The following GK5 variants were observed in gnomAD, a reference collection of about 807,000 sequenced individuals.
GK5 encodes the protein glycerol kinase 5.
Under a neutral mutation model 77.3 loss-of-function variants are expected in GK5, and 39 were observed. The observed-to-expected ratio is 0.50, with a 90% CI of 0.39 to 0.66. The LOEUF is 0.66. GK5 is among the 30% of genes least tolerant of loss of function. The pLI is 0.00. For missense variants in GK5, 487 were observed against 633.8 expected, an observed-to-expected ratio of 0.77 and a Z score of 2.49; for synonymous variants, 211 against 208.0, an observed-to-expected ratio of 1.01 and a Z score of -0.13.
chr3:142,166,616 C>A (rs562768148), intron 15 of GK5, among the ~76,000 whole-genome samples: 1 of 151,872 alleles, frequency 6.6e-6, no homozygotes, highest in East Asian at 1.9e-4. Flanking sequence ...TCACTGCAAC[C>A]TCCACCTCCC....
At position 142,225,350 on chromosome 3, in the gene GK5, A is replaced by T; in HGVS notation, c.106T>A (p.Tyr36Asn). 1 of 1,572,286 alleles carries T rather than the reference A, an allele frequency of 6.4e-7. No individual in the cohort carries two copies. Among genetic ancestry groups the T allele is most frequent in the Non-Finnish European group, 8.6e-7 (1 of 1,160,176 alleles). ...CCGCAGACCCGCGCCGCCCGGTCAT[A>T]GACGTGGCAGCGGATCACAGAACTG... is the stretch of plus-strand genomic sequence containing the variant. The part of the protein sequence containing the change: ...VGSSVIRCHV[Y>N]DRAARVCGSS... Residue 36 changes from tyrosine to asparagine, a missense_variant, in exon 1 of 16, where the codon TAT becomes AAT. Tyr to Asn is a moderately radical substitution (Grantham distance 143). Around this residue, in one of 4 missense-constraint regions of GK5, gnomAD observed 97 missense variants for 86.9 expected, o/e 1.12. Coordinates refer to ENST00000392993, the MANE Select transcript of GK5 (RefSeq NM_001039547.3).
At chr3:142,213,724 A>G in intron 2 of GK5, 123 bp from the exon 3 acceptor site, 3 of 610,712 alleles carry the variant, frequency 4.9e-6, no homozygotes, top group Non-Finnish European at 8.6e-6. Context: ...TTAGCATTCT[A>G]ACAAAACAAC....
At position 142,164,738 on chromosome 3, in the gene GK5, A is replaced by G. The variant is rs1172776388; in HGVS notation, c.*884T>C. The stretch of plus-strand genomic sequence containing the variant: ...TTCTTCAAATTAAGCTCTGTCAATT[A>G]GGCACTTAATAAAAACAAAAGACAT... On this transcript the variant is annotated 3_prime_UTR_variant, in exon 16 of 16. Transcript: ENST00000392993. 6.6e-6 allele frequency: 1 copy of G among 152,244 alleles called. No individual in the cohort carries two copies. Among genetic ancestry groups the G allele is most frequent in the East Asian group, 1.9e-4 (1 of 5,202 alleles). 9.4% of individuals were successfully genotyped at this position (152,244 alleles called of 1,614,324 possible). A position where few individuals can be genotyped will look rare whatever the true frequency, so the allele number is the denominator to read the frequency against.
chr3:142,177,543 A>G lies in GK5; in HGVS notation c.1082T>C (p.Met361Thr), dbSNP rs1370508711. 1 of 1,613,166 alleles carries G rather than the reference A, an allele frequency of 6.2e-7. No homozygotes were observed. The highest frequency in any genetic ancestry group is 1.1e-5 in the South Asian group (1 of 91,014). ...LFTDAAETEK[M>T]AKSLEDSEGV... ...TTCAGAATCCTCCAAACTTTTGGCCATTTTTTCAGTCTCAGCAGCATCTGT... is the reference window on the plus strand; with the variant it reads ...TTCAGAATCCTCCAAACTTTTGGCCGTTTTTTCAGTCTCAGCAGCATCTGT... Residue 361 changes from methionine to threonine, a missense_variant, in exon 12 of 16, where the codon ATG becomes ACG. Met to Thr is a moderately conservative substitution (Grantham distance 81, BLOSUM62 -1). This residue lies in a region of GK5 where 323 missense variants were observed against 437.4 expected (regional missense o/e 0.74). Transcript: ENST00000392993.
chr3:142,170,717 T>C (rs926832295), intron 14 of GK5, among the ~76,000 whole-genome samples: 1 of 152,164 alleles, frequency 6.6e-6, no homozygotes, highest in African/African-American at 2.4e-5. Flanking sequence ...CCAGGTATAA[T>C]AAACTAAGGC....
chr3:142,193,749 T>G (rs1179246100), intron 5 of GK5, among the ~76,000 whole-genome samples: 1 of 152,180 alleles, frequency 6.6e-6, no homozygotes, highest in Non-Finnish European at 1.5e-5. Context: ...CTTTCTTTTT[T>G]GTGTGTGGGT....
chr3:142,183,156 T>C, intron 9 of GK5, 107 bp from the exon 10 acceptor site: 1 of 1,023,852 alleles, frequency 9.8e-7, no homozygotes, highest in Non-Finnish European at 1.4e-6. Context: ...TCTTCGTTTC[T>C]TTTTCCTTTT....
chr3:142,212,783 C>T (rs2064205944), intron 3 of GK5, among the ~76,000 whole-genome samples: 1 of 148,956 alleles, frequency 6.7e-6, no homozygotes, highest in Admixed American at 6.7e-5. Context: ...AATATTATAA[C>T]TGTGTTTAGA....
chr3:142,190,879 T>C (rs1267611310), intron 5 of GK5, among the ~76,000 whole-genome samples: 1 of 152,138 alleles, frequency 6.6e-6, no homozygotes, highest in African/African-American at 2.4e-5. Flanking sequence ...AAAAAAAATC[T>C]AGTCATTTGC....
chr3:142,206,862 G>T (rs977165822), intron 3 of GK5, among the ~76,000 whole-genome samples: 1 of 152,082 alleles, frequency 6.6e-6, no homozygotes, highest in East Asian at 1.9e-4. Context: ...GTGTAAAATT[G>T]GAAAAATTAT....
At position 142,160,613 on chromosome 3, in the gene GK5, G is replaced by T. The variant is rs2063418442; in HGVS notation, c.*5009C>A. The T allele has an allele frequency of 6.6e-6, 1 of 152,196 alleles. No individual in the cohort carries two copies. Among genetic ancestry groups the T allele is most frequent in the Non-Finnish European group, 1.5e-5 (1 of 68,044 alleles). 9.4% of individuals were successfully genotyped at this position (152,196 alleles called of 1,614,324 possible). On this transcript the variant is annotated 3_prime_UTR_variant, in exon 16 of 16. Transcript: ENST00000392993. ...CTGCAGTCAAATATATAAAACCTGT[G>T]AAGAGAAAGGCTTCAATTAAAGCTT...
intron 5 of GK5, among the ~76,000 whole-genome samples, chr3:142,191,039 G>A (rs2063842373): frequency 6.7e-6 from 1 of 149,148 alleles, no homozygotes; most frequent in Admixed American, 6.8e-5. Context: ...CCAAAAAGAA[G>A]TATAAATAAT....
chr3:142,169,211 C>T (rs1577104400), intron 15 of GK5, among the ~76,000 whole-genome samples: 1 of 152,220 alleles, frequency 6.6e-6, no homozygotes, highest in East Asian at 1.9e-4. Context: ...CATAGGCAAA[C>T]CTACTGACAA....
At chr3:142,210,079 G>A (rs2064171460) in intron 3 of GK5, among the ~76,000 whole-genome samples, 1 of 152,074 alleles carries the variant, frequency 6.6e-6, no homozygotes, top group Non-Finnish European at 1.5e-5. Flanking sequence ...TTAACCTGAA[G>A]AACATGAAGA....
chr3:142,225,131 AG>A (rs1319734810), intron 1 of GK5, among the ~76,000 whole-genome samples, 177 bp downstream of exon 1: 1 of 151,940 alleles, frequency 6.6e-6, no homozygotes, highest in Admixed American at 6.5e-5. Context: ...CAGACGAGGG[AG>A]GGAACGCGAA....
At chr3:142,218,541 A>G (rs1158404709) in intron 1 of GK5, among the ~76,000 whole-genome samples, 2 of 139,632 alleles carry the variant, frequency 1.4e-5, no homozygotes, top group Non-Finnish European at 3.1e-5. Flanking sequence ...GCTCCATCTC[A>G]AAAAAAAAAA....
At chr3:142,169,572 G>A (rs1032056589) in intron 15 of GK5, among the ~76,000 whole-genome samples, 2 of 151,264 alleles carry the variant, frequency 1.3e-5, no homozygotes, top group African/African-American at 2.4e-5. Flanking sequence ...TGTATTCAAA[G>A]TTGAGCCTAA....
Position 142,164,969 on chromosome 3 carries a change from T to C in GK5, c.*653A>G, listed in dbSNP as rs2063457720. ...AATTAGTTTTTCAGTGTTTTCAACA[T>C]AGAAAGAATGCTCAGATTTTGGTTG... On this transcript the variant is annotated 3_prime_UTR_variant, in exon 16 of 16. Transcript: ENST00000392993. 6.6e-6 allele frequency: 1 copy of C among 152,594 alleles called. No individual in the cohort carries two copies. The allele number at this position is 152,594 out of a possible 1,614,324, so 9.5% of individuals were successfully genotyped here. A position where few individuals can be genotyped will look rare whatever the true frequency, so the allele number is the denominator to read the frequency against.
chr3:142,192,375 A>C (rs1008790991), intron 5 of GK5, among the ~76,000 whole-genome samples: 1 of 152,216 alleles, frequency 6.6e-6, no homozygotes, highest in Non-Finnish European at 1.5e-5. Flanking sequence ...AATGAGTTGA[A>C]GATTTATGTC....
Sources: allele counts gnomAD v4.1 joint callset (sites outside exome capture counted in the v4.1 genomes callset), GRCh38; gene constraint gnomAD v4.1.1; regional missense constraint gnomAD v4.1.1; transcripts MANE v1.5; gene names NCBI Gene and HGNC (gene_info 2026-07-23, HGNC 2026-07-21).